The following TENM3 variants were observed in gnomAD, a reference collection of about 807,000 sequenced individuals.
The protein encoded by TENM3 is teneurin-3.
In TENM3, 63 loss-of-function variants were observed where a neutral mutation model predicts 255.1. The ratio of observed to expected loss-of-function variants is 0.25; its 90% confidence interval spans 0.20 to 0.30. The LOEUF is 0.30. Ranked by LOEUF, TENM3 falls within the 10% of genes least tolerant of loss-of-function variation. The pLI is 1.00. For missense variants in TENM3, 2,929 were observed against 3,461.1 expected (o/e 0.85, Z 3.86); for synonymous variants, 1,306 against 1,322.3 (o/e 0.99, Z 0.27).
intron 5 of TENM3, among the ~76,000 whole-genome samples, chr4:182,635,125 T>C (rs1487710815): frequency 1.3e-5 from 2 of 152,230 alleles, no homozygotes; most frequent in East Asian, 3.8e-4. Flanking sequence ...AAGGTATTTG[T>C]ACATGAACTT....
At chr4:181,996,239 C>T in the TENM3 span, among the ~76,000 whole-genome samples, 3 of 151,526 alleles carry the variant, frequency 2.0e-5, no homozygotes, top group South Asian at 6.3e-4. Context: ...CAAAAGTGGA[C>T]AGCCGTCCAA....
chr4:182,602,804 G>A (rs988214850), intron 4 of TENM3, among the ~76,000 whole-genome samples: 5 of 152,172 alleles, frequency 3.3e-5, no homozygotes, highest in East Asian at 3.9e-4. Flanking sequence ...AATCAACACC[G>A]ATTCACTATT....
the TENM3 span, among the ~76,000 whole-genome samples, chr4:182,008,912 A>G: frequency 6.6e-6 from 1 of 151,082 alleles, no homozygotes; most frequent in African/African-American, 2.4e-5. Context: ...TTTTGTGGGG[A>G]CTTTTTGTTT....
chr4:182,692,631 A>G (rs1413563453), intron 12 of TENM3, among the ~76,000 whole-genome samples: 1 of 152,216 alleles, frequency 6.6e-6, no homozygotes, highest in Non-Finnish European at 1.5e-5. Context: ...ACAGAAATGG[A>G]GAATATGGGT....
the TENM3 span, among the ~76,000 whole-genome samples, chr4:181,732,919 G>T: frequency 6.6e-6 from 1 of 152,090 alleles, no homozygotes; most frequent in African/African-American, 2.4e-5. Context: ...GATAATTTTG[G>T]TATATTCGAA....
the TENM3 span, among the ~76,000 whole-genome samples, chr4:181,901,197 G>A: frequency 6.6e-5 from 10 of 152,262 alleles, no homozygotes; most frequent in African/African-American, 2.2e-4. Flanking sequence ...AAAAATATAT[G>A]AGCCTGTCTG....
intron 3 of TENM3, among the ~76,000 whole-genome samples, chr4:182,569,965 A>C (rs1160409466): frequency 6.6e-6 from 1 of 152,194 alleles, no homozygotes; most frequent in Non-Finnish European, 1.5e-5. Flanking sequence ...GGTAAATAAA[A>C]TGTATCACTA....
At chr4:182,495,792 T>G (rs1006584341) in intron 3 of TENM3, among the ~76,000 whole-genome samples, 3 of 152,234 alleles carry the variant, frequency 2.0e-5, no homozygotes, top group South Asian at 4.1e-4. Context: ...TACAAAGGTA[T>G]CTTATGCTTA....
At chr4:181,846,594 G>A in the TENM3 span, among the ~76,000 whole-genome samples, 6 of 152,186 alleles carry the variant, frequency 3.9e-5, no homozygotes, top group African/African-American at 1.4e-4. Context: ...AGATTATTAA[G>A]AGACAAGACA....
At chr4:182,141,781 C>T (rs1749450621), upstream of TENM3, 1 of 152,172 alleles carries the variant, frequency 6.6e-6, no homozygotes, top group South Asian at 2.1e-4. Flanking sequence ...CTATTGTTTT[C>T]CTACCTTTAT....
intron 1 of TENM3, among the ~76,000 whole-genome samples, chr4:182,320,039 G>A (rs1236202323): frequency 1.3e-5 from 2 of 152,124 alleles, no homozygotes; most frequent in African/African-American, 4.8e-5. Context: ...CTTGAACAAG[G>A]GAGGCAGAGG....
Position 182,216,675 on chromosome 4 carries a change from A to C in TENM3, c.-76+71921A>C, listed in dbSNP as rs183575361. 9.2e-5 allele frequency among the ~76,000 whole-genome samples: 14 copies of C among 152,362 alleles called. No homozygotes were observed. The East Asian group carries it at 2.7e-3, about 29-fold the overall frequency. ...TGTATTTTAGACATTATTTATGAGA[A>C]GTTTACAGAGAGTACACCATAACTT... On this transcript the variant is annotated intron_variant, in intron 1 of 2. Transcript: ENST00000512480.
chr4:182,622,099 G>A (rs541372691), intron 4 of TENM3, among the ~76,000 whole-genome samples: 42 of 151,950 alleles, frequency 2.8e-4, no homozygotes, highest in Admixed American at 1.3e-3. Flanking sequence ...GGTGGCCCAC[G>A]CCTGTAATCC....
At chr4:181,944,198 C>A in the TENM3 span, among the ~76,000 whole-genome samples, 4 of 151,380 alleles carry the variant, frequency 2.6e-5, no homozygotes, top group Non-Finnish European at 5.9e-5. Context: ...CTGCCATCTG[C>A]CAGCTGGAGC....
chr4:182,711,492 C>A, intron 12 of TENM3: 2 of 445,446 alleles, frequency 4.5e-6, no homozygotes, highest in East Asian at 1.6e-4. Flanking sequence ...ACTCAATTTG[C>A]ATGTAGATTC....
At chr4:182,567,759 A>C (rs1225050249) in intron 3 of TENM3, among the ~76,000 whole-genome samples, 1 of 151,608 alleles carries the variant, frequency 6.6e-6, no homozygotes, top group Non-Finnish European at 1.5e-5. Flanking sequence ...TTTTTTATAT[A>C]AAACAGTTAC....
the TENM3 span, among the ~76,000 whole-genome samples, chr4:181,456,205 A>ATG: frequency 6.0e-5 from 9 of 150,030 alleles, no homozygotes; most frequent in Admixed American, 5.4e-4. Flanking sequence ...GTATATATAT[A>ATG]TGTGTATATA....
chr4:182,645,892 A>G (rs1036568740), intron 5 of TENM3, among the ~76,000 whole-genome samples: 2 of 152,190 alleles, frequency 1.3e-5, no homozygotes, highest in African/African-American at 4.8e-5. Flanking sequence ...GCCTAAACTC[A>G]AGGGGAGTAG....
At chr4:182,553,139 C>CA (rs773394189) in intron 3 of TENM3, among the ~76,000 whole-genome samples, 4 of 152,088 alleles carry the variant, frequency 2.6e-5, no homozygotes, top group Admixed American at 6.6e-5. Context: ...GGCCGTGGTG[C>CA]AAGGGCTATT....
Sources: gnomAD v4.1 joint callset for allele counts (sites outside exome capture counted in the v4.1 genomes callset) on GRCh38, gnomAD v4.1.1 for gene constraint, MANE v1.5 for transcripts, NCBI Gene and HGNC (gene_info 2026-07-23, HGNC 2026-07-21) for gene names.